Variants in PDCD1LG2 observed in about 807,000 individuals in gnomAD.
PDCD1LG2 encodes the protein B7 dendritic cell molecule.
In PDCD1LG2, 32 loss-of-function variants were observed where a neutral mutation model predicts 28.2. That is an observed-to-expected ratio of 1.13 (90% confidence interval 0.86 to 1.52). The LOEUF (loss-of-function observed/expected upper bound fraction) is 1.52. Ranked by LOEUF, PDCD1LG2 falls within the 40% of genes most tolerant of loss-of-function variation. The probability of loss-of-function intolerance (pLI) is 0.00; values close to 1 mark genes in which losing one functional copy is unlikely to be tolerated. For synonymous variants in PDCD1LG2, 116 were observed against 120.2 expected (o/e 0.97, Z 0.23); for missense variants, 385 against 323.8 (o/e 1.19, Z -1.45).
chr9:5,543,448 A>C (rs1820728236), intron 3 of PDCD1LG2, among the ~76,000 whole-genome samples: 1 of 150,968 alleles, frequency 6.6e-6, no homozygotes, highest in African/African-American at 2.4e-5. Flanking sequence ...CTGAGGCAGG[A>C]GAATGGCAGG....
chr9:5,527,243 A>C (rs918844299), intron 2 of PDCD1LG2, among the ~76,000 whole-genome samples: 1 of 152,226 alleles, frequency 6.6e-6, no homozygotes, highest in African/African-American at 2.4e-5. Context: ...GCATAGTCCT[A>C]TAACTACCAC....
In PDCD1LG2 at chr9:5,569,015, A is replaced by G. The variant is rs980666875; in HGVS notation, c.817-939A>G. Among the ~76,000 whole-genome samples, 1 of 152,210 alleles carries G rather than the reference A, an allele frequency of 6.6e-6. No homozygotes were observed. The highest frequency in any genetic ancestry group is 2.4e-5 in the African/African-American group (1 of 41,462). On this transcript the variant is annotated intron_variant, in intron 6 of 6. Transcript: ENST00000397747. The surrounding 1 kb of genome is among the most constrained non-coding windows in gnomAD (Gnocchi z 4.1). ...CTAGATAGAGGAGACACTAACAGGA[A>G]AGGCAGAGAGGCAGGAAGGTGTGGG... is the stretch of plus-strand genomic sequence containing the variant.
At chr9:5,555,723 T>G (rs1351400121) in intron 4 of PDCD1LG2, among the ~76,000 whole-genome samples, 1 of 152,216 alleles carries the variant, frequency 6.6e-6, no homozygotes, top group Non-Finnish European at 1.5e-5. Flanking sequence ...GCCAAACCCA[T>G]GTTTCAACCT....
chr9:5,551,794 A>G (rs1816338799), intron 4 of PDCD1LG2, among the ~76,000 whole-genome samples: 1 of 152,248 alleles, frequency 6.6e-6, no homozygotes, highest in Non-Finnish European at 1.5e-5. Context: ...AGGACTGCAC[A>G]GTCCCCAATT....
rs141465562 is a variant in PDCD1LG2 at position 5,560,334 on chromosome 9, C to G, written c.766+2582C>G. Among the ~76,000 whole-genome samples, 142 of 152,354 alleles carry G rather than the reference C, an allele frequency of 9.3e-4. 2 individuals carry two copies. The highest frequency in any genetic ancestry group is 3.3e-3 in the African/African-American group (137 of 41,586). On this transcript the variant is annotated intron_variant, in intron 5 of 6. Transcript: ENST00000397747. The stretch of plus-strand genomic sequence containing the variant: ...GCTTACTTAGCCCACAGGGCCAGTG[C>G]TAGGCAGCTAGGTTAGTCCTCCAGA...
chr9:5,549,787 C>T (rs1484874433), intron 4 of PDCD1LG2, among the ~76,000 whole-genome samples, 183 bp downstream of exon 4: 1 of 152,184 alleles, frequency 6.6e-6, no homozygotes, highest in African/African-American at 2.4e-5. Context: ...GGGCAATTAC[C>T]ACTGTTGGAG....
Position 5,549,356 on chromosome 9 carries a change from C to T in PDCD1LG2, c.383C>T (p.Thr128Ile), listed in dbSNP as rs2129874000. ...CCAGCTTCCTACAGGAAAATAAACA[C>T]TCACATCCTAAAGGTTCCAGAAACA... ...KVKASYRKIN[T>I]HILKVPETDE... The change falls in exon 4 of 7, where the codon ACT (threonine) becomes ATT (isoleucine). Residue 128 changes from threonine (T) to isoleucine (I), a missense_variant. Thr to Ile is a moderately conservative substitution (Grantham distance 89). Coordinates refer to ENST00000397747, the MANE Select transcript of PDCD1LG2 (RefSeq NM_025239.4). 1 of 1,612,934 alleles carries T rather than the reference C, an allele frequency of 6.2e-7. No homozygotes were observed. The highest frequency in any genetic ancestry group is 2.2e-5 in the East Asian group (1 of 44,872).
intron 2 of PDCD1LG2, among the ~76,000 whole-genome samples, chr9:5,530,680 T>A (rs1019186336): frequency 3.3e-5 from 5 of 152,198 alleles, no homozygotes; most frequent in Non-Finnish European, 7.3e-5. Context: ...CTGTAAAATG[T>A]GGATAGCAAC....
At chr9:5,568,005 C>T (rs1217436785) in intron 6 of PDCD1LG2, among the ~76,000 whole-genome samples, 2 of 152,202 alleles carry the variant, frequency 1.3e-5, no homozygotes, top group Admixed American at 6.5e-5. Context: ...CTGACCACAG[C>T]GTCAGCATTC....
chr9:5,543,895 G>C (rs1007820062), intron 3 of PDCD1LG2, among the ~76,000 whole-genome samples: 6 of 152,066 alleles, frequency 3.9e-5, no homozygotes, highest in Non-Finnish European at 8.8e-5. Flanking sequence ...GAAGCTCCTG[G>C]GGATTACAAA....
chr9:5,557,526 C>A (rs2129919005), intron 4 of PDCD1LG2, 92 bp from the exon 5 acceptor site: 2 of 1,425,906 alleles, frequency 1.4e-6, no homozygotes, highest in South Asian at 1.2e-5. Context: ...ACAGAGCTAG[C>A]CGTGTTGGCT....
chr9:5,547,308 T>C (rs993200551), intron 3 of PDCD1LG2, among the ~76,000 whole-genome samples: 2 of 152,226 alleles, frequency 1.3e-5, no homozygotes, highest in African/African-American at 4.8e-5. Context: ...AAAAATTGTA[T>C]TGAAATTTAA....
intron 3 of PDCD1LG2, among the ~76,000 whole-genome samples, chr9:5,538,851 A>T (rs1017016848): frequency 6.6e-6 from 1 of 152,106 alleles, no homozygotes; most frequent in Non-Finnish European, 1.5e-5. Context: ...TCTTTTTTTA[A>T]TTGACAATAA....
intron 3 of PDCD1LG2, among the ~76,000 whole-genome samples, chr9:5,540,195 A>G (rs111922459): frequency 6.6e-6 from 1 of 152,232 alleles, no homozygotes; most frequent in African/African-American, 2.4e-5. Flanking sequence ...GAACGATAAT[A>G]GTGACACAAC....
chr9:5,557,857 C>T, intron 5 of PDCD1LG2, 105 bp downstream of exon 5: 2 of 1,393,502 alleles, frequency 1.4e-6, no homozygotes, highest in South Asian at 1.3e-5. Flanking sequence ...GCTAAACCCA[C>T]TCAGAGCTTA....
intron 3 of PDCD1LG2, among the ~76,000 whole-genome samples, chr9:5,543,406 G>A (rs1189348796): frequency 6.6e-6 from 1 of 152,118 alleles, no homozygotes; most frequent in Non-Finnish European, 1.5e-5. Flanking sequence ...GGGCGTGGTG[G>A]CAGGCACCTG....
intron 6 of PDCD1LG2, among the ~76,000 whole-genome samples, chr9:5,565,535 T>C (rs753500379): frequency 1.3e-5 from 2 of 152,170 alleles, no homozygotes; most frequent in Non-Finnish European, 2.9e-5. Context: ...CCCCCACTCA[T>C]ACCTTTTTAT....
At chr9:5,524,713 G>T (rs1184596543) in intron 2 of PDCD1LG2, among the ~76,000 whole-genome samples, 1 of 152,004 alleles carries the variant, frequency 6.6e-6, no homozygotes, top group East Asian at 1.9e-4. Flanking sequence ...GTCTGGGATG[G>T]GGGTAAAAAG....
rs1205387758 is a variant in PDCD1LG2, at chr9:5,510,764, C to G, written c.-54C>G. 6.6e-6 allele frequency: 1 copy of G among 152,586 alleles called. No homozygotes were observed. Among genetic ancestry groups the G allele is most frequent in the Non-Finnish European group, 1.5e-5 (1 of 68,046 alleles). 9.5% of individuals were successfully genotyped at this position (152,586 alleles called of 1,614,324 possible). ...AACAGCAACTGTTTTTTGTTGTTTA[C>G]TTTTGCATCTTTACTTGTGGAGCTG... On this transcript the variant is annotated 5_prime_UTR_variant, in exon 1 of 7. Coordinates refer to ENST00000397747, the MANE Select transcript of PDCD1LG2 (RefSeq NM_025239.4).
Sources: allele counts gnomAD v4.1 joint callset (sites outside exome capture counted in the v4.1 genomes callset), GRCh38; gene constraint gnomAD v4.1.1; non-coding constraint Gnocchi (gnomAD v3.1); transcripts MANE v1.5; gene names NCBI Gene and HGNC (gene_info 2026-07-23, HGNC 2026-07-21).